The following TTC21B variants were observed in gnomAD, a reference collection of about 807,000 sequenced individuals.
TTC21B encodes the protein tetratricopeptide repeat protein 21B.
A neutral mutation model predicts 175.1 loss-of-function variants in TTC21B; 127 were observed. That is an observed-to-expected ratio of 0.73 (90% CI 0.63 to 0.84). The LOEUF (loss-of-function observed/expected upper bound fraction) is 0.84. Among genes scored for constraint, TTC21B ranks in the 40% least tolerant of loss-of-function variants. TTC21B has a pLI of 0.00. For synonymous variants in TTC21B, 524 were observed against 524.5 expected (o/e 1.00, Z 0.01); for missense variants, 1,561 against 1,558.3 (o/e 1.00, Z -0.03).
At chr2:165,900,919 T>G (rs1180096020) in intron 20 of TTC21B, among the ~76,000 whole-genome samples, 1 of 150,958 alleles carries the variant, frequency 6.6e-6, no homozygotes, top group Non-Finnish European at 1.5e-5. Context: ...TTTTTTTTTT[T>G]GAGACAGGGT....
chr2:165,945,729 T>A (rs777562006), intron 3 of TTC21B, 39 bp from the exon 4 acceptor site: 1 of 1,596,872 alleles, frequency 6.3e-7, no homozygotes, highest in Non-Finnish European at 8.5e-7. Flanking sequence ...AATTAAATTC[T>A]GGATCAGGTA....
chr2:165,897,535 G>A (rs1340628558), intron 22 of TTC21B, among the ~76,000 whole-genome samples: 2 of 152,254 alleles, frequency 1.3e-5, no homozygotes, highest in East Asian at 1.9e-4. Flanking sequence ...AAGTTCAGGT[G>A]TTCTATTTTG....
intron 7 of TTC21B, among the ~76,000 whole-genome samples, chr2:165,932,461 A>T (rs1686947512): frequency 6.6e-6 from 1 of 152,130 alleles, no homozygotes; most frequent in African/African-American, 2.4e-5. Context: ...CTTCCTTCAG[A>T]TTAGAGTTTG....
rs1685157249 is a variant in TTC21B at position 165,890,656 on chromosome 2, A to T, written c.3102-16T>A. 6.2e-7 allele frequency: 1 copy of T among 1,612,116 alleles called. No homozygotes were observed. The highest frequency in any genetic ancestry group is 1.7e-5 in the Admixed American group (1 of 59,948). On this transcript the variant is annotated splice_polypyrimidine_tract_variant and intron_variant, in intron 23 of 28. Transcript: ENST00000243344. ...TCCAGTGTACCTTGTTAGATGTTTA[A>T]AAGAATTATTTATTTCAATCACTGA... is the stretch of plus-strand genomic sequence containing the variant.
intron 6 of TTC21B, among the ~76,000 whole-genome samples, chr2:165,937,155 T>C (rs1003215990): frequency 1.3e-5 from 2 of 151,980 alleles, no homozygotes; most frequent in Non-Finnish European, 2.9e-5. Context: ...GAAAGTTAAA[T>C]GCATAATACT....
At chr2:165,938,190 A>C (rs1044376688) in intron 6 of TTC21B, among the ~76,000 whole-genome samples, 2 of 151,944 alleles carry the variant, frequency 1.3e-5, no homozygotes, top group Non-Finnish European at 2.9e-5. Flanking sequence ...AAGGATGCTA[A>C]GGAATTCTTG....
At chr2:165,907,996 G>C (rs1357901613) in intron 18 of TTC21B, among the ~76,000 whole-genome samples, 1 of 151,344 alleles carries the variant, frequency 6.6e-6, no homozygotes, top group Non-Finnish European at 1.5e-5. Context: ...AAAAGTTAAA[G>C]AACGGGTTAA....
intron 12 of TTC21B, among the ~76,000 whole-genome samples, 175 bp from the exon 13 acceptor site, chr2:165,919,608 C>T (rs191161994): frequency 6.6e-6 from 1 of 152,240 alleles, no homozygotes; most frequent in Non-Finnish European, 1.5e-5. Flanking sequence ...TCCTTCTAGT[C>T]TACATGAATG....
intron 18 of TTC21B, among the ~76,000 whole-genome samples, chr2:165,909,946 T>C (rs1685873343): frequency 6.6e-6 from 1 of 152,166 alleles, no homozygotes; most frequent in Non-Finnish European, 1.5e-5. Flanking sequence ...GGTATAATAA[T>C]TGTGTATATA....
At position 165,945,550 on chromosome 2, in the gene TTC21B, T is replaced by A; in HGVS notation, c.403A>T (p.Ile135Phe). Residue 135 changes from isoleucine to phenylalanine, a missense_variant, in exon 4 of 29, where the codon ATC becomes TTC. Transcript: ENST00000243344. ...DKAREYIDRMIKISDGSKQGH... is the reference protein window; with the variant it reads ...DKAREYIDRMFKISDGSKQGH... ...TGTTTACTACCATCTGATATTTTGA[T>A]CATTCTGTCAATATATTCCCTTGCT... is the stretch of plus-strand genomic sequence containing the variant. The A allele has an allele frequency of 6.2e-7, 1 of 1,613,620 alleles. No individual in the cohort carries two copies. Among genetic ancestry groups the A allele is most frequent in the Non-Finnish European group, 8.5e-7 (1 of 1,179,890 alleles).
chr2:165,893,794 G>A (rs1326149150), intron 22 of TTC21B, among the ~76,000 whole-genome samples: 2 of 151,968 alleles, frequency 1.3e-5, no homozygotes, highest in African/African-American at 4.8e-5. Context: ...TTACTAGACG[G>A]ACAAAGGCAT....
At chr2:165,920,061 C>T (rs1209326332) in intron 12 of TTC21B, among the ~76,000 whole-genome samples, 2 of 152,100 alleles carry the variant, frequency 1.3e-5, no homozygotes, top group Non-Finnish European at 2.9e-5. Context: ...GAATTGACCT[C>T]GGGCTGATAG....
Position 165,953,721 on chromosome 2 carries a change from G to A in TTC21B, c.-16C>T, listed in dbSNP as rs886055030. 6.5e-7 allele frequency: 1 copy of A among 1,540,338 alleles called. No individual in the cohort carries two copies. The highest frequency in any genetic ancestry group is 1.2e-5 in the South Asian group (1 of 83,940). ...GCGAGTCCATGGCTGCCCCGAGGCC[G>A]GGCCGCGGGGCTCTGGGGATTGTCT... is the stretch of plus-strand genomic sequence containing the variant. On this transcript the variant is annotated 5_prime_UTR_variant, in exon 1 of 29. Coordinates refer to ENST00000243344, the MANE Select transcript of TTC21B (RefSeq NM_024753.5).
At chr2:165,942,091 A>G (rs1687387807) in intron 5 of TTC21B, among the ~76,000 whole-genome samples, 1 of 152,166 alleles carries the variant, frequency 6.6e-6, no homozygotes, top group East Asian at 1.9e-4. Context: ...GTATATGGCC[A>G]ATTTCTTCAG....
At chr2:165,883,752 C>T in intron 26 of TTC21B, 42 bp downstream of exon 26, 1 of 1,476,536 alleles carries the variant, frequency 6.8e-7, no homozygotes, top group Non-Finnish European at 9.5e-7. Context: ...AAAGCTTATG[C>T]AACAAAGGTC....
chr2:165,874,890 G>T (rs1684615118), intron 28 of TTC21B, 58 bp from the exon 29 acceptor site: 2 of 1,449,524 alleles, frequency 1.4e-6, no homozygotes, highest in Non-Finnish European at 1.9e-6. Flanking sequence ...AAACTACGGA[G>T]TTACAAAACT....
intron 10 of TTC21B, 148 bp downstream of exon 10, chr2:165,929,502 T>C: frequency 2.2e-6 from 2 of 905,290 alleles, no homozygotes; most frequent in Admixed American, 2.2e-5. Flanking sequence ...TAAAGTTTAG[T>C]TTTGAATGGA....
intron 6 of TTC21B, among the ~76,000 whole-genome samples, chr2:165,938,795 C>CA (rs1380057961): frequency 6.6e-6 from 1 of 151,878 alleles, no homozygotes; most frequent in Non-Finnish European, 1.5e-5. Context: ...AAAGAACTCA[C>CA]AGAGACAGGG....
chr2:165,920,609 G>A (rs10206075), intron 12 of TTC21B, among the ~76,000 whole-genome samples: 50,464 of 151,924 alleles, frequency 0.33, 8,691 homozygotes, highest in Non-Finnish European at 0.39. Context: ...GAAACAGGTT[G>A]TACTAACAGG....
Sources: allele counts gnomAD v4.1 joint callset (sites outside exome capture counted in the v4.1 genomes callset), GRCh38; gene constraint gnomAD v4.1.1; transcripts MANE v1.5; gene names NCBI Gene and HGNC (gene_info 2026-07-23, HGNC 2026-07-21).